Variants in SI observed in about 807,000 individuals in gnomAD.
SI encodes sucrase-isomaltase, intestinal.
A neutral mutation model predicts 253.3 loss-of-function variants in SI; 235 were observed. That is an observed-to-expected ratio of 0.93 (90% CI 0.83 to 1.03). SI has a LOEUF of 1.03. SI is among the 50% of genes least tolerant of loss of function. SI has a pLI of 0.00. For synonymous variants in SI, 819 were observed against 712.0 expected (o/e 1.15, Z -2.39); for missense variants, 2,442 against 2,211.1 (o/e 1.10, Z -2.09).
intron 44 of SI, among the ~76,000 whole-genome samples, chr3:164,988,707 G>A (rs1717558006): frequency 1.3e-5 from 2 of 152,150 alleles, no homozygotes; most frequent in South Asian, 4.1e-4. Context: ...GAAAAACAGA[G>A]ACAGGGTCCT....
intron 43 of SI, 51 bp downstream of exon 43, chr3:164,992,126 C>G (rs1559979490): frequency 6.9e-7 from 1 of 1,458,490 alleles, no homozygotes. Flanking sequence ...TAGGGCCAAA[C>G]AATTACCCGT....
chr3:165,007,789 A>G (rs1718584071), intron 36 of SI, 122 bp downstream of exon 36: 1 of 291,884 alleles, frequency 3.4e-6, no homozygotes, highest in Non-Finnish European at 6.3e-6. Context: ...TTTTATATAT[A>G]CATATATATT....
chr3:165,006,308 C>A (rs939885432), intron 37 of SI, among the ~76,000 whole-genome samples: 10 of 152,026 alleles, frequency 6.6e-5, no homozygotes, highest in African/African-American at 2.4e-4. Flanking sequence ...TGAGGTTTCA[C>A]CATTTTGGCC....
intron 40 of SI, among the ~76,000 whole-genome samples, chr3:164,995,821 A>G (rs1717982972): frequency 6.6e-6 from 1 of 151,842 alleles, no homozygotes; most frequent in Non-Finnish European, 1.5e-5. Context: ...TTACATATAA[A>G]ATGGTCTATT....
At chr3:165,043,741 T>G (rs1712973827) in intron 16 of SI, among the ~76,000 whole-genome samples, 1 of 152,058 alleles carries the variant, frequency 6.6e-6, no homozygotes, top group Non-Finnish European at 1.5e-5. Context: ...ATTTCTTTAT[T>G]TTTTCTGTGT....
intron 31 of SI, among the ~76,000 whole-genome samples, chr3:165,016,560 T>G (rs1036731540): frequency 2.0e-5 from 3 of 151,982 alleles, no homozygotes; most frequent in Non-Finnish European, 2.9e-5. Context: ...CATCAATTAC[T>G]ATAATCTTGT....
rs1711741221 is a variant in SI, at chr3:165,023,553, G to A, written c.3099+17C>T. On this transcript the variant is annotated intron_variant, in intron 26 of 47. Transcript: ENST00000264382. ...ACAAGATGAGTTAAGCTTTGGGGTA[G>A]TTTATATCAAGCATACCTTAAACTG... 2.5e-6 allele frequency: 4 copies of A among 1,579,872 alleles called. No individual in the cohort carries two copies. In the South Asian group the frequency reaches 4.4e-5, roughly 17 times the overall value.
chr3:165,072,425 C>CA (rs200556926), intron 3 of SI, among the ~76,000 whole-genome samples: 1,834 of 150,832 alleles, frequency 0.012, 35 homozygotes, highest in African/African-American at 0.043. Context: ...ACAACAACAA[C>CA]AACAAAAAAC....
At chr3:165,021,917 T>A (rs1711641731) in intron 26 of SI, among the ~76,000 whole-genome samples, 1 of 151,646 alleles carries the variant, frequency 6.6e-6, no homozygotes, top group Admixed American at 6.6e-5. Flanking sequence ...CCAAAATGTG[T>A]ACTCTAATGC....
intron 41 of SI, among the ~76,000 whole-genome samples, chr3:164,992,880 A>C (rs913465717): frequency 6.6e-6 from 1 of 151,826 alleles, no homozygotes; most frequent in Non-Finnish European, 1.5e-5. Context: ...TAACATGTTA[A>C]TGGATTTCTG....
At chr3:165,074,813 A>G in intron 2 of SI, 146 bp from the exon 3 acceptor site, 2 of 646,458 alleles carry the variant, frequency 3.1e-6, no homozygotes, top group Admixed American at 2.7e-5. Context: ...AAAAAGACCC[A>G]CAATTTCAAG....
intron 45 of SI, among the ~76,000 whole-genome samples, chr3:164,983,940 A>G (rs747715787): frequency 4.6e-5 from 7 of 152,060 alleles, no homozygotes; most frequent in Non-Finnish European, 7.4e-5. Context: ...TGATCATCCT[A>G]CAGGTAAAAC....
At chr3:164,985,572 T>G (rs1269575058) in intron 45 of SI, among the ~76,000 whole-genome samples, 1 of 152,214 alleles carries the variant, frequency 6.6e-6, no homozygotes, top group Non-Finnish European at 1.5e-5. Flanking sequence ...GAATATTAAC[T>G]ATGATTTACC....
intron 24 of SI, among the ~76,000 whole-genome samples, chr3:165,031,372 T>A (rs1484609342): frequency 6.8e-6 from 1 of 147,714 alleles, no homozygotes; most frequent in Non-Finnish European, 1.5e-5. Context: ...ATATATATAT[T>A]TATAAGCATA....
At chr3:165,018,092 A>G (rs1426422605) in intron 28 of SI, 26 bp from the exon 29 acceptor site, 4 of 1,255,836 alleles carry the variant, frequency 3.2e-6, no homozygotes, top group South Asian at 2.4e-5. Flanking sequence ...TAAGCACAAT[A>G]TATTTTAAGT....
intron 13 of SI, among the ~76,000 whole-genome samples, chr3:165,050,702 T>A (rs1713382062): frequency 6.6e-6 from 1 of 152,150 alleles, no homozygotes; most frequent in African/African-American, 2.4e-5. Context: ...ATCTCTATAA[T>A]AGTCTCCTTT....
chr3:165,044,401 T>A (rs1713010211), intron 16 of SI, among the ~76,000 whole-genome samples: 1 of 151,974 alleles, frequency 6.6e-6, no homozygotes, highest in African/African-American at 2.4e-5. Flanking sequence ...ACACGAAGAT[T>A]CCCCTTCTTC....
chr3:165,042,536 CA>C (rs983694641), intron 17 of SI, among the ~76,000 whole-genome samples: 40 of 152,044 alleles, frequency 2.6e-4, no homozygotes, highest in Non-Finnish European at 1.0e-4. Flanking sequence ...CCTACCAGTC[CA>C]AAACCGTGTT....
chr3:165,074,775 T>C, intron 2 of SI, 108 bp from the exon 3 acceptor site: 1 of 932,696 alleles, frequency 1.1e-6, no homozygotes, highest in Non-Finnish European at 1.6e-6. Flanking sequence ...TCATATAAAA[T>C]GAAAATTTTA....
Sources: allele counts gnomAD v4.1 joint callset (sites outside exome capture counted in the v4.1 genomes callset), GRCh38; gene constraint gnomAD v4.1.1; transcripts MANE v1.5; gene names NCBI Gene and HGNC (gene_info 2026-07-23, HGNC 2026-07-21).